The following TTC29 variants were observed in gnomAD, a reference collection of about 807,000 sequenced individuals.
TTC29 encodes the protein tetratricopeptide repeat protein 29.
TTC29 carries 49 observed loss-of-function variants against 58.1 expected under a neutral mutation model. The ratio of observed to expected loss-of-function variants is 0.84; its 90% CI spans 0.67 to 1.07. The LOEUF (loss-of-function observed/expected upper bound fraction) is 1.07. Ranked by LOEUF, TTC29 falls within the 50% of genes least tolerant of loss-of-function variation. The probability of loss-of-function intolerance (pLI) is 0.00; values close to 1 mark genes in which losing one functional copy is unlikely to be tolerated. For synonymous variants in TTC29, 209 were observed against 196.8 expected (o/e 1.06, Z -0.52); for missense variants, 582 against 555.6 (o/e 1.05, Z -0.48).
chr4:146,777,398 T>C (rs1319962323), intron 11 of TTC29, among the ~76,000 whole-genome samples: 1 of 152,162 alleles, frequency 6.6e-6, no homozygotes, highest in African/African-American at 2.4e-5. Context: ...CTTTTTTTTT[T>C]TAAGCTAGGA....
intron 2 of TTC29, among the ~76,000 whole-genome samples, chr4:146,941,690 C>G (rs58442133): frequency 0.1 from 15,322 of 152,128 alleles, 1,595 homozygotes; most frequent in African/African-American, 0.27. Flanking sequence ...GATGGTTACT[C>G]TAAAAACTGG....
chr4:146,866,499 G>C (rs1336812702), intron 8 of TTC29, among the ~76,000 whole-genome samples: 3 of 152,034 alleles, frequency 2.0e-5, no homozygotes, highest in Non-Finnish European at 4.4e-5. Context: ...AAAAGCCCCT[G>C]TTCATCCTAC....
At chr4:146,715,818 C>A (rs1742886818) in intron 11 of TTC29, among the ~76,000 whole-genome samples, 1 of 152,102 alleles carries the variant, frequency 6.6e-6, no homozygotes, top group South Asian at 2.1e-4. Context: ...GATGGCTATG[C>A]TAATTACCCT....
intron 8 of TTC29, among the ~76,000 whole-genome samples, 171 bp downstream of exon 8, chr4:146,867,327 C>T (rs60828608): frequency 0.071 from 10,758 of 152,014 alleles, 486 homozygotes; most frequent in Admixed American, 0.13. Flanking sequence ...ACAATAAAAC[C>T]GATTTTTAAA....
intron 6 of TTC29, among the ~76,000 whole-genome samples, chr4:146,900,019 G>A (rs969098203): frequency 5.9e-5 from 9 of 152,166 alleles, no homozygotes. Flanking sequence ...TCGCCTCAGA[G>A]GGAACCCTTC....
intron 10 of TTC29, among the ~76,000 whole-genome samples, chr4:146,809,368 A>G (rs1750853666): frequency 1.3e-5 from 2 of 150,222 alleles, no homozygotes; most frequent in Non-Finnish European, 3.0e-5. Flanking sequence ...AATGGCAACA[A>G]AAGCCAAAAT....
chr4:146,863,868 C>A (rs934281142), intron 8 of TTC29, among the ~76,000 whole-genome samples: 1 of 152,162 alleles, frequency 6.6e-6, no homozygotes, highest in Non-Finnish European at 1.5e-5. Flanking sequence ...TGCCCTTCCT[C>A]TGCCTTTTTG....
chr4:146,876,254 CTAA>C (rs1458335668), intron 6 of TTC29, among the ~76,000 whole-genome samples: 1 of 152,184 alleles, frequency 6.6e-6, no homozygotes, highest in Non-Finnish European at 1.5e-5. Flanking sequence ...AGAAACACGG[CTAA>C]TGTTATCAAT....
At chr4:146,793,860 C>G (rs1177418390) in intron 11 of TTC29, among the ~76,000 whole-genome samples, 1 of 152,130 alleles carries the variant, frequency 6.6e-6, no homozygotes, top group East Asian at 1.9e-4. Context: ...TGCAATTACA[C>G]TTGCACATGC....
At chr4:146,900,721 AAG>A (rs1378538852) in intron 6 of TTC29, among the ~76,000 whole-genome samples, 2 of 152,342 alleles carry the variant, frequency 1.3e-5, no homozygotes, top group African/African-American at 4.8e-5. Context: ...TTAATGAGTA[AAG>A]AGTTTCAGTT....
At chr4:146,789,848 T>C (rs1046457316) in intron 11 of TTC29, among the ~76,000 whole-genome samples, 13 of 152,102 alleles carry the variant, frequency 8.5e-5, no homozygotes, top group African/African-American at 3.1e-4. Context: ...GCCAAGGTGA[T>C]CTTTCTTTTT....
intron 11 of TTC29, among the ~76,000 whole-genome samples, chr4:146,727,634 G>A (rs1428309517): frequency 6.6e-6 from 1 of 152,062 alleles, no homozygotes; most frequent in East Asian, 1.9e-4. Flanking sequence ...TTAGTAATAT[G>A]CATTTAAGAT....
chr4:146,806,258 C>T (rs1055958181), intron 10 of TTC29, among the ~76,000 whole-genome samples: 3 of 152,136 alleles, frequency 2.0e-5, no homozygotes, highest in Non-Finnish European at 4.4e-5. Flanking sequence ...AAGGAAAAAC[C>T]AGTACTAGCT....
chr4:146,830,987 C>G (rs1008672791), intron 9 of TTC29, among the ~76,000 whole-genome samples: 7 of 152,224 alleles, frequency 4.6e-5, no homozygotes, highest in South Asian at 4.1e-4. Context: ...TAGTAGATCA[C>G]TTTTTGAATT....
chr4:146,829,290 A>C (rs1728008608), intron 9 of TTC29, among the ~76,000 whole-genome samples: 1 of 152,238 alleles, frequency 6.6e-6, no homozygotes, highest in Non-Finnish European at 1.5e-5. Context: ...AATTATGTAT[A>C]TCACACTTGG....
chr4:146,774,144 GTCTA>G (rs745851123), intron 11 of TTC29, among the ~76,000 whole-genome samples: 8 of 152,058 alleles, frequency 5.3e-5, no homozygotes, highest in Non-Finnish European at 8.8e-5. Context: ...TTAGCTAGCA[GTCTA>G]TCTGTCTTAT....
At chr4:146,912,672 A>C (rs1020674353) in intron 4 of TTC29, among the ~76,000 whole-genome samples, 4 of 152,110 alleles carry the variant, frequency 2.6e-5, no homozygotes, top group Non-Finnish European at 5.9e-5. Context: ...TCAATTTAGC[A>C]TTCTCGAGTC....
At chr4:146,848,709 G>A (rs952153721) in intron 8 of TTC29, among the ~76,000 whole-genome samples, 9 of 152,142 alleles carry the variant, frequency 5.9e-5, no homozygotes, top group Admixed American at 5.9e-4. Context: ...CAGAGCCCAG[G>A]AGGAACAGTA....
intron 11 of TTC29, among the ~76,000 whole-genome samples, chr4:146,791,317 T>C (rs568251889): frequency 6.6e-6 from 1 of 152,358 alleles, no homozygotes; most frequent in African/African-American, 2.4e-5. Context: ...TTAGTTCCTC[T>C]GTGTCACATT....
Sources: allele counts gnomAD v4.1 joint callset (sites outside exome capture counted in the v4.1 genomes callset), GRCh38; gene constraint gnomAD v4.1.1; transcripts MANE v1.5; gene names NCBI Gene and HGNC (gene_info 2026-07-23, HGNC 2026-07-21).